SSBP2: variants seen among roughly 807,000 people sequenced by gnomAD.
SSBP2 encodes the protein single stranded DNA binding protein 2.
SSBP2 carries 17 observed loss-of-function variants against 61.8 expected under a neutral mutation model. That is an observed-to-expected ratio of 0.28 (90% confidence interval 0.19 to 0.41). The LOEUF is 0.41. SSBP2 is among the 10% of genes least tolerant of loss of function. SSBP2 has a pLI of 1.00. For synonymous variants in SSBP2, 139 were observed against 141.3 expected, an observed-to-expected ratio of 0.98 and a Z score of 0.12; for missense variants, 310 against 458.7, an observed-to-expected ratio of 0.68 and a Z score of 2.96.
chr5:81,715,717 T>C (rs56035074), intron 1 of SSBP2, among the ~76,000 whole-genome samples: 2,696 of 152,208 alleles, frequency 0.018, 87 homozygotes, highest in African/African-American at 0.061. Flanking sequence ...AGAATAACTG[T>C]ACTGGGAGGA....
At chr5:81,592,676 G>A (rs947045819) in intron 4 of SSBP2, among the ~76,000 whole-genome samples, 8 of 152,150 alleles carry the variant, frequency 5.3e-5, no homozygotes, top group Non-Finnish European at 7.3e-5. Context: ...CAGCATTTGC[G>A]GTTCAACAAT....
chr5:81,541,176 G>A (rs981965122), intron 4 of SSBP2, among the ~76,000 whole-genome samples: 1 of 151,804 alleles, frequency 6.6e-6, no homozygotes, highest in African/African-American at 2.4e-5. Flanking sequence ...TATAGCCACA[G>A]GAAAAAAATA....
At chr5:81,465,252 T>G (rs915176670) in intron 9 of SSBP2, among the ~76,000 whole-genome samples, 2 of 151,992 alleles carry the variant, frequency 1.3e-5, no homozygotes, top group Non-Finnish European at 2.9e-5. Context: ...AAATATGATG[T>G]AATTGAAAAT....
intron 4 of SSBP2, among the ~76,000 whole-genome samples, chr5:81,564,246 G>C (rs1773264483): frequency 6.6e-6 from 1 of 152,136 alleles, no homozygotes. Context: ...CAAAAGTGTT[G>C]ATGAGGATAG....
intron 4 of SSBP2, among the ~76,000 whole-genome samples, chr5:81,613,247 T>C (rs1745632491): frequency 6.9e-6 from 1 of 144,078 alleles, no homozygotes; most frequent in Non-Finnish European, 1.5e-5. Context: ...TCATAATGAA[T>C]TATAAAATTC....
intron 3 of SSBP2, among the ~76,000 whole-genome samples, chr5:81,628,822 C>G (rs182534105): frequency 6.6e-6 from 1 of 152,250 alleles, no homozygotes; most frequent in Admixed American, 6.5e-5. Context: ...AGAAATTCCC[C>G]CTCTTCCATT....
At chr5:81,741,248 T>C (rs192459660) in intron 1 of SSBP2, among the ~76,000 whole-genome samples, 4 of 152,334 alleles carry the variant, frequency 2.6e-5, no homozygotes, top group African/African-American at 9.6e-5. Flanking sequence ...AAATACTATA[T>C]GATCCCACTT....
intron 9 of SSBP2, 82 bp downstream of exon 9, chr5:81,466,892 C>T: frequency 2.4e-6 from 2 of 843,874 alleles, no homozygotes; most frequent in Non-Finnish European, 3.4e-6. Context: ...GAACACTTTA[C>T]TAAATAGAAT....
At chr5:81,645,446 G>A (rs1207716135) in intron 2 of SSBP2, among the ~76,000 whole-genome samples, 1 of 151,970 alleles carries the variant, frequency 6.6e-6, no homozygotes, top group African/African-American at 2.4e-5. Flanking sequence ...GACAAAGAAG[G>A]GGTAGTCATA....
intron 1 of SSBP2, among the ~76,000 whole-genome samples, chr5:81,663,431 A>AT (rs1287688824): frequency 6.6e-6 from 1 of 152,104 alleles, no homozygotes; most frequent in Admixed American, 6.5e-5. Context: ...CACAGAAAAG[A>AT]TTTTTTAACT....
intron 5 of SSBP2, among the ~76,000 whole-genome samples, chr5:81,494,443 T>C (rs927447356): frequency 1.3e-5 from 2 of 152,198 alleles, no homozygotes; most frequent in African/African-American, 4.8e-5. Context: ...TAATCTCCAA[T>C]GTGATGGTAT....
intron 1 of SSBP2, among the ~76,000 whole-genome samples, chr5:81,731,391 T>A (rs1756254017): frequency 6.6e-6 from 1 of 152,028 alleles, no homozygotes; most frequent in Non-Finnish European, 1.5e-5. Context: ...CACAAAACAA[T>A]CCATGCAACT....
chr5:81,420,707 T>A (rs1169714329), intron 16 of SSBP2, among the ~76,000 whole-genome samples, 174 bp from the exon 17 acceptor site: 1 of 152,170 alleles, frequency 6.6e-6, no homozygotes, highest in Non-Finnish European at 1.5e-5. Flanking sequence ...TGATACAGAC[T>A]TAACTTAGTA....
intron 4 of SSBP2, among the ~76,000 whole-genome samples, chr5:81,575,207 G>A (rs1019659075): frequency 6.6e-6 from 1 of 152,208 alleles, no homozygotes; most frequent in African/African-American, 2.4e-5. Flanking sequence ...GGTGGAGGTT[G>A]CAGTGAGCTG....
chr5:81,473,676 T>C (rs1462604731), intron 8 of SSBP2, 24 bp downstream of exon 8: 5 of 1,608,574 alleles, frequency 3.1e-6, no homozygotes, highest in Non-Finnish European at 4.3e-6. Flanking sequence ...TCTTTGCTAT[T>C]GTAAATATGC....
At chr5:81,541,615 C>T (rs537085555) in intron 4 of SSBP2, among the ~76,000 whole-genome samples, 125 of 152,224 alleles carry the variant, frequency 8.2e-4, no homozygotes, top group African/African-American at 3.0e-3. Flanking sequence ...AGAAAAAAAG[C>T]TGCAGACCTA....
intron 1 of SSBP2, among the ~76,000 whole-genome samples, chr5:81,721,090 T>G (rs1755513421): frequency 6.6e-6 from 1 of 152,144 alleles, no homozygotes; most frequent in South Asian, 2.1e-4. Flanking sequence ...GGGATTTTTA[T>G]AAAGAGCCAC....
intron 10 of SSBP2, among the ~76,000 whole-genome samples, chr5:81,457,004 G>A (rs1202240570): frequency 1.3e-5 from 2 of 152,196 alleles, no homozygotes; most frequent in African/African-American, 4.8e-5. Flanking sequence ...AGGTATAGAC[G>A]TGTGTGGGTG....
chr5:81,693,217 A>C (rs1753350025), intron 1 of SSBP2, among the ~76,000 whole-genome samples: 1 of 151,586 alleles, frequency 6.6e-6, no homozygotes, highest in Non-Finnish European at 1.5e-5. Context: ...AAAAAAAAAA[A>C]AAAAAAGAAA....
Sources: gnomAD v4.1 joint callset for allele counts (sites outside exome capture counted in the v4.1 genomes callset) on GRCh38, gnomAD v4.1.1 for gene constraint, MANE v1.5 for transcripts, NCBI Gene and HGNC (gene_info 2026-07-23, HGNC 2026-07-21) for gene names.